Variants in B4GALNT2 observed in about 807,000 individuals in gnomAD.
B4GALNT2 encodes the protein N-acetylneuraminylgalactosylglucosyl-glucoside beta-1,4-N- acetylgalactosaminyltransferase 2.
A neutral mutation model predicts 51.1 loss-of-function variants in B4GALNT2; 42 were observed. The observed-to-expected ratio is 0.82, with a 90% CI of 0.64 to 1.06. The LOEUF is 1.06. B4GALNT2 is among the 50% of genes least tolerant of loss of function. The pLI is 0.00. For missense variants in B4GALNT2, 602 were observed against 633.6 expected, an observed-to-expected ratio of 0.95 and a Z score of 0.54; for synonymous variants, 253 against 251.7, an observed-to-expected ratio of 1.01 and a Z score of -0.05.
intron 3 of B4GALNT2, among the ~76,000 whole-genome samples, chr17:49,148,007 A>G (rs1188490318): frequency 6.6e-6 from 1 of 151,510 alleles, no homozygotes; most frequent in Non-Finnish European, 1.5e-5. Flanking sequence ...AGTTTATTCA[A>G]TGCAAAATAA....
chr17:49,138,040 A>G (rs1224154230), intron 1 of B4GALNT2, among the ~76,000 whole-genome samples: 1 of 152,232 alleles, frequency 6.6e-6, no homozygotes, highest in Non-Finnish European at 1.5e-5. Flanking sequence ...TTGAAATGAC[A>G]GGAGGAATAA....
chr17:49,175,787 AG>A lies in B4GALNT2; in HGVS notation c.*6060del. The stretch of plus-strand genomic sequence containing the variant: ...GAGAGCAGTCACTCGAGGCACTGCT[AG>A]AACAGTCACTGGGGCAACTACTTTT... On this transcript the variant is annotated 3_prime_UTR_variant, in exon 11 of 11. Coordinates refer to ENST00000393354, the MANE Select transcript of B4GALNT2 (RefSeq NM_001159387.2). 6.6e-6 allele frequency: 1 copy of A among 152,326 alleles called. No individual in the cohort carries two copies. 9.4% of individuals were successfully genotyped at this position (152,326 alleles called of 1,614,324 possible).
At chr17:49,153,252 A>G (rs1365848176) in intron 4 of B4GALNT2, among the ~76,000 whole-genome samples, 1 of 152,088 alleles carries the variant, frequency 6.6e-6, no homozygotes, top group African/African-American at 2.4e-5. Flanking sequence ...CTGTCTCTAC[A>G]AAAAATAGAA....
the B4GALNT2 span, among the ~76,000 whole-genome samples, chr17:49,123,037 A>AT: frequency 7.2e-5 from 11 of 152,098 alleles, no homozygotes; most frequent in Admixed American, 7.2e-4. Flanking sequence ...ATTTTTTATG[A>AT]TTTTCAGCTT....
intron 1 of B4GALNT2, among the ~76,000 whole-genome samples, chr17:49,139,177 A>G (rs1598197175): frequency 6.6e-6 from 1 of 152,084 alleles, no homozygotes; most frequent in South Asian, 2.1e-4. Context: ...GTTTTATTCT[A>G]TAAGCTAATC....
rs138470880 is a variant in B4GALNT2 at position 49,138,280 on chromosome 17, A to C, written c.15-2967A>C. 2.7e-3 allele frequency among the ~76,000 whole-genome samples: 406 copies of C among 152,342 alleles called. 3 individuals are homozygous for C. Among genetic ancestry groups the C allele is most frequent in the African/African-American group, 9.5e-3 (396 of 41,580 alleles). The stretch of plus-strand genomic sequence containing the variant: ...AGGCACATCTTAAATGCTAAAAACC[A>C]AGAATCTTTTGCTAAGCGCCCAAGA... On this transcript the variant is annotated intron_variant, in intron 1 of 10. Coordinates refer to ENST00000393354, the MANE Select transcript of B4GALNT2 (RefSeq NM_001159387.2).
chr17:49,141,916 G>A, intron 2 of B4GALNT2, 119 bp from the exon 3 acceptor site: 1 of 1,316,150 alleles, frequency 7.6e-7, no homozygotes, highest in East Asian at 2.3e-5. Context: ...TCTCAGAACA[G>A]TTGGGTGTAG....
intron 4 of B4GALNT2, among the ~76,000 whole-genome samples, chr17:49,155,794 G>T (rs1462124932): frequency 6.6e-6 from 1 of 151,444 alleles, no homozygotes; most frequent in East Asian, 1.9e-4. Flanking sequence ...CGAGATCTCG[G>T]CTCACTGCAA....
intron 3 of B4GALNT2, among the ~76,000 whole-genome samples, chr17:49,142,774 C>T (rs1305282861): frequency 1.3e-5 from 2 of 152,120 alleles, no homozygotes; most frequent in African/African-American, 4.8e-5. Context: ...GGTGGTACAT[C>T]CTCCATGCAC....
chr17:49,127,916 G>A (rs574186480), upstream of B4GALNT2, among the ~76,000 whole-genome samples: 1 of 152,336 alleles, frequency 6.6e-6, no homozygotes, highest in South Asian at 2.1e-4. Flanking sequence ...TGGCAAGACA[G>A]AGTGGAGAAA....
chr17:49,168,094 G>C (rs1022701820), intron 9 of B4GALNT2, among the ~76,000 whole-genome samples: 6 of 152,172 alleles, frequency 3.9e-5, no homozygotes, highest in African/African-American at 1.4e-4. Flanking sequence ...CGGGTGATGG[G>C]GGACAATGAG....
At position 49,171,985 on chromosome 17, in the gene B4GALNT2, T is replaced by C; in HGVS notation, c.*2257T>C. The stretch of plus-strand genomic sequence containing the variant: ...AGGCATTATTGCCAGCCAAGATTGA[T>C]AAATATGCCCAATAAGTATAACTGT... On this transcript the variant is annotated 3_prime_UTR_variant, in exon 11 of 11. Transcript: ENST00000393354. The C allele has an allele frequency of 3.8e-6, 1 of 263,488 alleles. No individual in the cohort carries two copies. The highest frequency in any genetic ancestry group is 4.9e-5 in the South Asian group (1 of 20,600). 16.3% of individuals were successfully genotyped at this position (263,488 alleles called of 1,614,324 possible).
intron 3 of B4GALNT2, among the ~76,000 whole-genome samples, chr17:49,149,787 T>C (rs1305443208): frequency 2.0e-5 from 3 of 152,224 alleles, no homozygotes; most frequent in African/African-American, 7.2e-5. Context: ...TCCCAGGGTG[T>C]GCCTTTTTTA....
At chr17:49,122,779 T>C in the B4GALNT2 span, among the ~76,000 whole-genome samples, 11 of 152,280 alleles carry the variant, frequency 7.2e-5, no homozygotes, top group Non-Finnish European at 1.5e-4. Context: ...GCTATGAGGA[T>C]AATAATTAAG....
rs2042981415 is a variant in B4GALNT2, at chr17:49,175,452, T to C, written c.*5724T>C. On this transcript the variant is annotated 3_prime_UTR_variant, in exon 11 of 11. Transcript: ENST00000393354. ...GTAATCTGAATCAATGACTCCTGTATGTACTTGCACTCCTTTTAAATTTAA... is the reference window on the plus strand; with the variant it reads ...GTAATCTGAATCAATGACTCCTGTACGTACTTGCACTCCTTTTAAATTTAA... 3.9e-5 allele frequency: 6 copies of C among 152,332 alleles called. No individual in the cohort carries two copies. Among genetic ancestry groups the C allele is most frequent in the African/African-American group, 1.4e-4 (6 of 41,570 alleles). 9.4% of individuals were successfully genotyped at this position (152,332 alleles called of 1,614,324 possible). A position where few individuals can be genotyped will look rare whatever the true frequency, so the allele number is the denominator to read the frequency against.
chr17:49,166,086 C>G, intron 8 of B4GALNT2, 28 bp from the exon 9 acceptor site: 2 of 1,606,548 alleles, frequency 1.2e-6, no homozygotes, highest in Non-Finnish European at 1.7e-6. Context: ...TATGGGCAAC[C>G]ACTCCTTTAA....
At chr17:49,152,159 T>C (rs1415077337) in intron 3 of B4GALNT2, among the ~76,000 whole-genome samples, 2 of 152,204 alleles carry the variant, frequency 1.3e-5, no homozygotes, top group Non-Finnish European at 2.9e-5. Context: ...GGAGGATTGC[T>C]TGAGCCCAGC....
chr17:49,171,585 A>G lies in B4GALNT2; in HGVS notation c.*1857A>G, dbSNP rs112327180. On this transcript the variant is annotated 3_prime_UTR_variant, in exon 11 of 11. Transcript: ENST00000393354. ...CCATATCATTTGAGGTTGAGGTGCC[A>G]CTATACCGCCACGTTTCCAGATAAT... 1,963 of 418,354 alleles carry G rather than the reference A, an allele frequency of 4.7e-3. 30 individuals are homozygous for G. Among genetic ancestry groups the G allele is most frequent in the African/African-American group, 0.039 (1,849 of 47,950 alleles). The allele number at this position is 418,354 out of a possible 1,614,324, so 25.9% of individuals were successfully genotyped here.
At chr17:49,169,133 C>G (rs2144346515) in intron 10 of B4GALNT2, among the ~76,000 whole-genome samples, 1 of 151,894 alleles carries the variant, frequency 6.6e-6, no homozygotes, top group African/African-American at 2.4e-5. Flanking sequence ...CTTTTCCTTC[C>G]CCTTCCTTTC....
Sources: allele counts gnomAD v4.1 joint callset (sites outside exome capture counted in the v4.1 genomes callset), GRCh38; gene constraint gnomAD v4.1.1; transcripts MANE v1.5; gene names NCBI Gene and HGNC (gene_info 2026-07-23, HGNC 2026-07-21).